TBXAS1: variants seen among roughly 807,000 people sequenced by gnomAD.
TBXAS1 encodes the protein thromboxane A synthase 1, also known as thromboxane-A synthase.
In TBXAS1, 48 loss-of-function variants were observed where a neutral mutation model predicts 60.7. The observed-to-expected ratio is 0.79, with a 90% CI of 0.63 to 1.01. The LOEUF is 1.01. Ranked by LOEUF, TBXAS1 falls within the 50% of genes least tolerant of loss-of-function variation. TBXAS1 has a pLI of 0.00. For synonymous variants in TBXAS1, 287 were observed against 269.7 expected (o/e 1.06, Z -0.63); for missense variants, 685 against 686.3 (o/e 1.00, Z 0.02).
At chr7:139,816,872 G>T (rs559110032) in intron 4 of TBXAS1, among the ~76,000 whole-genome samples, 5 of 152,250 alleles carry the variant, frequency 3.3e-5, no homozygotes, top group East Asian at 3.9e-4. Context: ...AGGCTTCCTC[G>T]TAGGGCTGCG....
intron 10 of TBXAS1, among the ~76,000 whole-genome samples, chr7:140,014,736 AC>A (rs1017287167): frequency 2.6e-4 from 40 of 151,720 alleles, no homozygotes; most frequent in Admixed American, 8.5e-4. Flanking sequence ...TGGTGAAACC[AC>A]CCCCCGTCTC....
chr7:139,900,841 G>A (rs747389783), intron 3 of TBXAS1, among the ~76,000 whole-genome samples: 7 of 152,168 alleles, frequency 4.6e-5, no homozygotes, highest in African/African-American at 9.7e-5. Flanking sequence ...TTTCACCCCA[G>A]CATCCATGTA....
intron 10 of TBXAS1, among the ~76,000 whole-genome samples, chr7:140,008,836 C>G: frequency 6.6e-6 from 1 of 152,164 alleles, no homozygotes. Flanking sequence ...CAAGATAAAG[C>G]ATTCAGGGAT....
intron 5 of TBXAS1, among the ~76,000 whole-genome samples, chr7:139,950,690 C>G (rs2117291873): frequency 6.8e-6 from 1 of 147,840 alleles, no homozygotes; most frequent in Middle Eastern, 3.5e-3. Context: ...ACCCCCTCGC[C>G]CTCCATCTAC....
intron 4 of TBXAS1, among the ~76,000 whole-genome samples, chr7:139,921,186 GACACAAACATTTCCA>G (rs1806440384): frequency 6.6e-6 from 1 of 151,824 alleles, no homozygotes; most frequent in South Asian, 2.1e-4. Flanking sequence ...CCCAGATCAA[GACACAAACATTTCCA>G]ACACTCCAGA....
At chr7:139,907,011 A>G (rs1163486511) in intron 3 of TBXAS1, among the ~76,000 whole-genome samples, 1 of 152,136 alleles carries the variant, frequency 6.6e-6, no homozygotes, top group East Asian at 1.9e-4. Flanking sequence ...ATTCCTTTTC[A>G]GTCTATATGC....
chr7:139,887,594 A>G (rs1182574993), intron 3 of TBXAS1, among the ~76,000 whole-genome samples: 1 of 152,240 alleles, frequency 6.6e-6, no homozygotes, highest in African/African-American at 2.4e-5. Flanking sequence ...GTTGTAGCAC[A>G]TGGGAGAACT....
chr7:139,947,492 C>T (rs1808822600), intron 5 of TBXAS1, among the ~76,000 whole-genome samples: 1 of 152,178 alleles, frequency 6.6e-6, no homozygotes. Flanking sequence ...TGCGGCAAAC[C>T]ACCATGGCAT....
At chr7:139,822,668 G>A (rs1462359319) in intron 4 of TBXAS1, among the ~76,000 whole-genome samples, 1 of 152,112 alleles carries the variant, frequency 6.6e-6, no homozygotes, top group Admixed American at 6.5e-5. Flanking sequence ...CAACAGAGCC[G>A]GACATTCAGG....
chr7:139,942,931 C>T (rs927816847), intron 5 of TBXAS1, among the ~76,000 whole-genome samples: 7 of 152,196 alleles, frequency 4.6e-5, no homozygotes, highest in Non-Finnish European at 8.8e-5. Flanking sequence ...AGAATGACTA[C>T]AATTTTTAAA....
intron 1 of TBXAS1, among the ~76,000 whole-genome samples, chr7:139,862,781 CTCTT>C (rs1801062713): frequency 6.6e-6 from 1 of 152,202 alleles, no homozygotes; most frequent in Non-Finnish European, 1.5e-5. Flanking sequence ...CTCTGTCTCT[CTCTT>C]TCTCATCACA....
At chr7:139,949,807 C>T (rs1236850969) in intron 5 of TBXAS1, among the ~76,000 whole-genome samples, 4 of 152,152 alleles carry the variant, frequency 2.6e-5, no homozygotes, top group Admixed American at 6.6e-5. Flanking sequence ...ATCAGTAAAG[C>T]GGTGCCTGGC....
intron 3 of TBXAS1, among the ~76,000 whole-genome samples, chr7:139,906,460 G>T (rs1028134662): frequency 2.0e-5 from 3 of 151,802 alleles, no homozygotes; most frequent in African/African-American, 7.3e-5. Context: ...TCTACTTCTG[G>T]GTTCTCTATT....
intron 3 of TBXAS1, among the ~76,000 whole-genome samples, chr7:139,905,005 CTCTTTCTT>C (rs775007248): frequency 0.017 from 1,544 of 90,306 alleles, 17 homozygotes; most frequent in Middle Eastern, 0.04. Context: ...CTCTCTTTCT[CTCTTTCTT>C]TCTTTCTTTC....
intron 9 of TBXAS1, among the ~76,000 whole-genome samples, chr7:139,987,436 C>G (rs769883718): frequency 3.3e-5 from 5 of 152,160 alleles, no homozygotes; most frequent in Admixed American, 6.5e-5. Context: ...CTGGCTAAGA[C>G]TGGCCGACAG....
chr7:139,945,560 G>C (rs1218685848), intron 5 of TBXAS1, among the ~76,000 whole-genome samples: 1 of 152,204 alleles, frequency 6.6e-6, no homozygotes, highest in African/African-American at 2.4e-5. Context: ...AAAATCAACA[G>C]AATGGGGTGT....
At chr7:139,834,469 CA>C (rs1478063208) in intron 1 of TBXAS1, among the ~76,000 whole-genome samples, 3 of 151,910 alleles carry the variant, frequency 2.0e-5, no homozygotes, top group African/African-American at 7.3e-5. Context: ...AAGATCAGAG[CA>C]GAACTAAATG....
chr7:139,952,529 T>A (rs1442351451), intron 5 of TBXAS1: 1 of 1,536,076 alleles, frequency 6.5e-7, no homozygotes, highest in East Asian at 2.4e-5. Flanking sequence ...GCGAATAAAA[T>A]GATTCTGCTC....
chr7:139,891,489 T>G (rs1223207697), intron 3 of TBXAS1, among the ~76,000 whole-genome samples: 1 of 152,128 alleles, frequency 6.6e-6, no homozygotes, highest in Non-Finnish European at 1.5e-5. Flanking sequence ...TGAGCAGAGT[T>G]GCACAGGTTC....
Sources: allele counts gnomAD v4.1 joint callset (sites outside exome capture counted in the v4.1 genomes callset), GRCh38; gene constraint gnomAD v4.1.1; transcripts MANE v1.5; gene names NCBI Gene and HGNC (gene_info 2026-07-23, HGNC 2026-07-21).